IQSEC1: variants seen among roughly 807,000 people sequenced by gnomAD.
IQSEC1 encodes the protein IQ motif and SEC7 domain-containing protein 1.
IQSEC1 carries 31 observed loss-of-function variants against 91.0 expected under a neutral mutation model. The ratio of observed to expected loss-of-function variants is 0.34; its 90% confidence interval spans 0.26 to 0.46. The LOEUF (loss-of-function observed/expected upper bound fraction) is 0.46, where lower values mean the gene tolerates loss of function less well. Among genes scored for constraint, IQSEC1 ranks in the 20% least tolerant of loss-of-function variants. IQSEC1 has a pLI of 1.00. For synonymous variants in IQSEC1, 699 were observed against 662.6 expected (o/e 1.05, Z -0.84); for missense variants, 1,388 against 1,575.6 (o/e 0.88, Z 2.02).
At chr3:13,069,978 C>T (rs750418036) in intron 1 of IQSEC1, among the ~76,000 whole-genome samples, 2 of 152,094 alleles carry the variant, frequency 1.3e-5, no homozygotes, top group Non-Finnish European at 2.9e-5. Flanking sequence ...GCCACCTTCA[C>T]GATGGACTGA....
intron 2 of IQSEC1, among the ~76,000 whole-genome samples, chr3:13,157,385 G>A (rs1005119947): frequency 6.6e-6 from 1 of 152,114 alleles, no homozygotes; most frequent in African/African-American, 2.4e-5. Flanking sequence ...GCTCCTATAA[G>A]ATCTTTCTAC....
At chr3:13,241,905 T>C (rs142027411) in intron 1 of IQSEC1, among the ~76,000 whole-genome samples, 136 of 152,238 alleles carry the variant, frequency 8.9e-4, no homozygotes, top group Non-Finnish European at 1.5e-3. Context: ...AGGAGGCAGA[T>C]GGTGGAGAAG....
At chr3:13,068,003 T>C (rs1705292368) in intron 1 of IQSEC1, among the ~76,000 whole-genome samples, 1 of 152,230 alleles carries the variant, frequency 6.6e-6, no homozygotes, top group Non-Finnish European at 1.5e-5. Context: ...CCCAGCCTGC[T>C]TGCTGGCCCG....
chr3:13,148,865 G>A (rs1240343460), intron 2 of IQSEC1, among the ~76,000 whole-genome samples: 1 of 152,288 alleles, frequency 6.6e-6, no homozygotes, highest in Non-Finnish European at 1.5e-5. Flanking sequence ...CAGCCCTGGA[G>A]CAGGGGCTGG....
At chr3:13,013,619 C>T (rs1040473014) in intron 1 of IQSEC1, among the ~76,000 whole-genome samples, 3 of 152,204 alleles carry the variant, frequency 2.0e-5, no homozygotes, top group African/African-American at 7.2e-5. Flanking sequence ...CATCTCCTTC[C>T]TCTGCCCTAC....
intron 1 of IQSEC1, among the ~76,000 whole-genome samples, chr3:13,165,536 GCGTGTGTGTGT>G (rs1693474822): frequency 2.5e-4 from 7 of 27,504 alleles, no homozygotes; most frequent in Non-Finnish European, 4.2e-4. Context: ...TGGGGGGGTG[GCGTGTGTGTGT>G]GTGTGTGTGT....
Position 12,935,789 on chromosome 3 carries a change from G to T in IQSEC1, c.1227C>A (p.His409Gln). ...GQQGSPKHGP[H>Q]SGAPKSLPRE... ...GGGGGAGGCTCTTGGGGGCGCCGCT[G>T]TGGGGACCATGCTTGGGACTGCCCT... Residue 409 changes from histidine to glutamine, a missense_variant, in exon 3 of 14, where the codon CAC (histidine) becomes CAA (glutamine). His to Gln is a conservative substitution (Grantham distance 24, BLOSUM62 0). Around this residue, in one of 2 missense-constraint regions of IQSEC1, gnomAD observed 1,059 missense variants for 1,317.8 expected, o/e 0.80. Transcript: ENST00000613206. The surrounding 1 kb of genome is among the most constrained non-coding windows in gnomAD (Gnocchi z 8.0). 1 of 1,607,572 alleles carries T rather than the reference G, an allele frequency of 6.2e-7. No individual in the cohort carries two copies. The highest frequency in any genetic ancestry group is 8.5e-7 in the Non-Finnish European group (1 of 1,179,820).
At chr3:13,150,248 G>A (rs1420005411) in intron 2 of IQSEC1, among the ~76,000 whole-genome samples, 1 of 152,174 alleles carries the variant, frequency 6.6e-6, no homozygotes, top group Non-Finnish European at 1.5e-5. Flanking sequence ...AGGCTGGAAG[G>A]CATCTAAGAA....
intron 1 of IQSEC1, among the ~76,000 whole-genome samples, chr3:13,007,820 G>T (rs1241187767): frequency 6.6e-6 from 1 of 152,136 alleles, no homozygotes; most frequent in East Asian, 1.9e-4. Flanking sequence ...GCTGAGCCCA[G>T]CCATCCCTCC....
Position 12,901,473 on chromosome 3 carries a change from C to G in IQSEC1, c.2855G>C (p.Arg952Pro). Residue 952 changes from arginine (R) to proline (P), a missense_variant, in exon 14 of 14, where the codon CGA (arginine) becomes CCA (proline). Around this residue, in one of 2 missense-constraint regions of IQSEC1, gnomAD observed 329 missense variants for 257.8 expected, o/e 1.28. Coordinates refer to ENST00000613206, the MANE Select transcript of IQSEC1 (RefSeq NM_001134382.3). ...CTGGTGTGGGCGAGATGGACACTCT[C>G]GTGTTGATGTAGCTCTCCGGCGCAT... ...PHMRRRATST[R>P]ECPSRPHQTM... 6.5e-7 allele frequency: 1 copy of G among 1,549,606 alleles called. No individual in the cohort carries two copies. Among genetic ancestry groups the G allele is most frequent in the Non-Finnish European group, 8.7e-7 (1 of 1,146,828 alleles).
intron 2 of IQSEC1, among the ~76,000 whole-genome samples, chr3:13,090,901 C>T (rs1391677688): frequency 6.6e-6 from 1 of 152,294 alleles, no homozygotes; most frequent in Non-Finnish European, 1.5e-5. Context: ...TCCACAGTTC[C>T]CTTGACCAAA....
intron 1 of IQSEC1, among the ~76,000 whole-genome samples, chr3:13,235,880 C>A (rs1308132811): frequency 1.3e-5 from 2 of 152,190 alleles, no homozygotes; most frequent in Middle Eastern, 3.2e-3. Context: ...GCCCCGTTCC[C>A]TGTAGCCACC....
At chr3:13,111,644 G>A (rs948326502) in intron 2 of IQSEC1, among the ~76,000 whole-genome samples, 1 of 152,182 alleles carries the variant, frequency 6.6e-6, no homozygotes, top group South Asian at 2.1e-4. Context: ...GGGCCTTTGG[G>A]AGGTGATTAC....
At chr3:13,145,330 G>A (rs1272078741) in intron 2 of IQSEC1, among the ~76,000 whole-genome samples, 2 of 152,152 alleles carry the variant, frequency 1.3e-5, no homozygotes, top group Non-Finnish European at 2.9e-5. Context: ...GGGCCACCCA[G>A]CTGTCTACTC....
At chr3:13,269,593 G>C (rs1266627814) in intron 1 of IQSEC1, among the ~76,000 whole-genome samples, 1 of 152,166 alleles carries the variant, frequency 6.6e-6, no homozygotes, top group Non-Finnish European at 1.5e-5. Context: ...CTGATGAGCT[G>C]CTCTGGAAGA....
upstream of IQSEC1, among the ~76,000 whole-genome samples, chr3:13,073,596 G>A (rs1705508973): frequency 6.6e-6 from 1 of 152,210 alleles, no homozygotes; most frequent in Admixed American, 6.5e-5. Flanking sequence ...ACCCGGCGGG[G>A]CGCGGGGCGC....
At chr3:13,017,989 C>G (rs1703221075) in intron 1 of IQSEC1, among the ~76,000 whole-genome samples, 1 of 152,172 alleles carries the variant, frequency 6.6e-6, no homozygotes, top group East Asian at 1.9e-4. Context: ...TGACCCCTTC[C>G]TCAGCCTCAG....
At chr3:13,180,431 G>A (rs1693819282) in intron 1 of IQSEC1, among the ~76,000 whole-genome samples, 2 of 152,040 alleles carry the variant, frequency 1.3e-5, no homozygotes, top group Non-Finnish European at 2.9e-5. Flanking sequence ...TCTAGCTCAC[G>A]GATTATAAAT....
At position 13,086,508 on chromosome 3, in the gene IQSEC1, C is replaced by CTGCCACTGCCTATTTCTG. The variant is rs552263525; in HGVS notation, c.303-38987_303-38986insCAGAAATAGGCAGTGGCA. ...GGGAGGGTCAGGGCCTTTCTTCACC[C>CTGCCACTGCCTATTTCTG]TGGTTGGAGCCACTGCCTATTTCTG... On this transcript the variant is annotated intron_variant, in intron 2 of 15. Transcript: ENST00000648114. 4.0e-4 allele frequency among the ~76,000 whole-genome samples: 61 copies of CTGCCACTGCCTATTTCTG among 152,328 alleles called. 1 individual carries two copies. In the East Asian group the frequency reaches 0.011, roughly 28 times the overall value.
Sources: gnomAD v4.1 joint callset for allele counts (sites outside exome capture counted in the v4.1 genomes callset) on GRCh38, gnomAD v4.1.1 for gene constraint, gnomAD v4.1.1 regional missense constraint, Gnocchi (gnomAD v3.1) non-coding constraint, MANE v1.5 for transcripts, NCBI Gene and HGNC (gene_info 2026-07-23, HGNC 2026-07-21) for gene names.